Variants in PTPRM observed in about 807,000 individuals in gnomAD.
PTPRM encodes the protein receptor-type tyrosine-protein phosphatase mu.
In PTPRM, 47 loss-of-function variants were observed where a neutral mutation model predicts 186.7. The ratio of observed to expected loss-of-function variants is 0.25; its 90% CI spans 0.20 to 0.32. The LOEUF (loss-of-function observed/expected upper bound fraction) is 0.32, where lower values mean the gene tolerates loss of function less well. Ranked by LOEUF, PTPRM falls within the 10% of genes least tolerant of loss-of-function variation. PTPRM has a pLI of 1.00. For missense variants in PTPRM, 1,494 were observed against 1,865.0 expected (o/e 0.80, Z 3.66); for synonymous variants, 668 against 674.9 (o/e 0.99, Z 0.16).
intron 7 of PTPRM, 103 bp from the exon 8 acceptor site, chr18:8,069,583 C>A: frequency 1.0e-6 from 1 of 1,004,590 alleles, no homozygotes; most frequent in Non-Finnish European, 1.4e-6. Context: ...GAAGAGGAGA[C>A]CAGGTGGTGG....
rs1156406282 is a variant in PTPRM at position 7,672,308 on chromosome 18, T to TC, written c.74-101840dup. Among the ~76,000 whole-genome samples the TC allele has an allele frequency of 3.9e-5, 6 of 152,352 alleles. No individual in the cohort carries two copies. The East Asian group carries it at 1.2e-3, about 29-fold the overall frequency. ...ATAAATTTCAGGTTAAGTTTTTTTT[T>TC]CACGGTTTAATCAAGTTAAGATTTT... On this transcript the variant is annotated intron_variant, in intron 1 of 32. Transcript: ENST00000580170.
intron 20 of PTPRM, 97 bp from the exon 21 acceptor site, chr18:8,314,684 G>T: frequency 2.7e-6 from 2 of 735,508 alleles, no homozygotes; most frequent in East Asian, 2.7e-5. Flanking sequence ...GAGTGTCTGT[G>T]GGTGATCTCT....
intron 1 of PTPRM, among the ~76,000 whole-genome samples, chr18:7,592,579 C>T (rs2037155275): frequency 6.6e-6 from 1 of 152,198 alleles, no homozygotes; most frequent in Non-Finnish European, 1.5e-5. Flanking sequence ...ACAGAGCTGC[C>T]TGGTGCTATC....
intron 2 of PTPRM, among the ~76,000 whole-genome samples, chr18:7,864,217 A>T (rs531587337): frequency 3.6e-4 from 55 of 152,258 alleles, no homozygotes; most frequent in African/African-American, 1.3e-3. Flanking sequence ...CCCATTTGTC[A>T]ATTTTGGCTG....
intron 20 of PTPRM, among the ~76,000 whole-genome samples, chr18:8,303,398 C>CA (rs2095182938): frequency 6.6e-6 from 1 of 152,152 alleles, no homozygotes; most frequent in Non-Finnish European, 1.5e-5. Context: ...TGGTTGCTCA[C>CA]ATTGAAGGCT....
intron 1 of PTPRM, among the ~76,000 whole-genome samples, chr18:7,750,781 G>A (rs780155443): frequency 1.3e-5 from 2 of 152,078 alleles, no homozygotes; most frequent in African/African-American, 4.8e-5. Flanking sequence ...CTCCTTCACA[G>A]CCTCTGTCTC....
intron 1 of PTPRM, among the ~76,000 whole-genome samples, chr18:7,745,275 C>A (rs1031082332): frequency 3.3e-5 from 5 of 152,142 alleles, no homozygotes; most frequent in African/African-American, 1.2e-4. Flanking sequence ...ATATATCTGG[C>A]CAGCTATTTG....
At chr18:8,234,152 G>C (rs2094318258) in intron 14 of PTPRM, among the ~76,000 whole-genome samples, 1 of 152,098 alleles carries the variant, frequency 6.6e-6, no homozygotes, top group South Asian at 2.1e-4. Flanking sequence ...CCCTAAATAA[G>C]TTTCTAGGAT....
At chr18:7,638,992 C>T (rs984541733) in intron 1 of PTPRM, among the ~76,000 whole-genome samples, 2 of 152,130 alleles carry the variant, frequency 1.3e-5, no homozygotes, top group Admixed American at 1.3e-4. Flanking sequence ...GTTTATTTCT[C>T]CAAAACTGTA....
chr18:8,342,139 C>T lies in PTPRM; in HGVS notation c.2957-1284C>T, dbSNP rs151222482. 2.6e-5 allele frequency among the ~76,000 whole-genome samples: 4 copies of T among 152,304 alleles called. No homozygotes were observed. The East Asian group carries it at 7.7e-4, about 29-fold the overall frequency. ...GGGAGGAAGGAGAAGAAACATTACA[C>T]AAGAACCGATTGCTAATTGGTCAAG... is the stretch of plus-strand genomic sequence containing the variant. On this transcript the variant is annotated intron_variant, in intron 22 of 32. Transcript: ENST00000580170.
chr18:7,842,253 G>A (rs1173827240), intron 2 of PTPRM, among the ~76,000 whole-genome samples: 1 of 152,178 alleles, frequency 6.6e-6, no homozygotes, highest in Non-Finnish European at 1.5e-5. Flanking sequence ...AGAACAATAG[G>A]TATAAGCCAG....
At chr18:8,203,565 AT>A (rs1601194276) in intron 14 of PTPRM, among the ~76,000 whole-genome samples, 2 of 152,322 alleles carry the variant, frequency 1.3e-5, no homozygotes, top group East Asian at 3.9e-4. Context: ...ATTAGATAAT[AT>A]TTTTGTATCA....
chr18:7,689,643 G>A (rs2039690336), intron 1 of PTPRM, among the ~76,000 whole-genome samples: 1 of 152,142 alleles, frequency 6.6e-6, no homozygotes, highest in African/African-American at 2.4e-5. Context: ...TTAATTGAAT[G>A]AGCAGGATGA....
Position 7,869,954 on chromosome 18 carries a change from G to A in PTPRM, c.197-18152G>A, listed in dbSNP as rs76288548. On this transcript the variant is annotated intron_variant, in intron 2 of 32. Transcript: ENST00000580170. ...CCTTAGGCTAGAGATTGGGCCATAT[G>A]CAAGTTAATCTTTGTAATCTTATGA... Among the ~76,000 whole-genome samples, 1,247 of 152,264 alleles carry A rather than the reference G, an allele frequency of 8.2e-3. 35 individuals carry two copies. In the East Asian group the frequency reaches 0.083, roughly 10 times the overall value.
chr18:8,335,971 A>G (rs1233488185), intron 22 of PTPRM, among the ~76,000 whole-genome samples: 2 of 152,198 alleles, frequency 1.3e-5, no homozygotes, highest in African/African-American at 4.8e-5. Context: ...ACAGTGACCC[A>G]TGATCGCGCC....
Position 7,955,332 on chromosome 18 carries a change from G to A in PTPRM, c.1050G>A (p.Glu350=), listed in dbSNP as rs1310896916. The change falls in exon 7 of 33, where the codon GAG becomes GAA. Residue 350 remains glutamate, a synonymous_variant. Transcript: ENST00000580170. ...IGHLDPDTEY[E]ISVLLTRPGE... ...ACCTTGACCCAGATACAGAATATGA[G>A]ATTAGTGTGCTCCTGACCAGGCCAG... is the stretch of plus-strand genomic sequence containing the variant. 8 of 1,614,192 alleles carry A rather than the reference G, an allele frequency of 5.0e-6. No individual in the cohort carries two copies. Among genetic ancestry groups the A allele is most frequent in the Non-Finnish European group, 6.8e-6 (8 of 1,180,042 alleles).
intron 2 of PTPRM, among the ~76,000 whole-genome samples, chr18:7,845,497 G>T (rs1020963351): frequency 6.6e-6 from 1 of 152,098 alleles, no homozygotes; most frequent in Non-Finnish European, 1.5e-5. Context: ...CAAAGTTCCT[G>T]CAGGATTTTC....
intron 1 of PTPRM, among the ~76,000 whole-genome samples, chr18:7,680,987 T>A (rs922714290): frequency 3.3e-5 from 5 of 152,154 alleles, no homozygotes; most frequent in Non-Finnish European, 1.5e-5. Context: ...TCTTGGAATA[T>A]GGAGTGGGAT....
chr18:8,192,636 GA>G (rs2093724311), intron 14 of PTPRM, among the ~76,000 whole-genome samples: 1 of 152,126 alleles, frequency 6.6e-6, no homozygotes, highest in Admixed American at 6.5e-5. Context: ...AAATAGAAAG[GA>G]TGGGGGATGT....
Sources: allele counts gnomAD v4.1 joint callset (sites outside exome capture counted in the v4.1 genomes callset), GRCh38; gene constraint gnomAD v4.1.1; transcripts MANE v1.5; gene names NCBI Gene and HGNC (gene_info 2026-07-23, HGNC 2026-07-21).